The following ARHGEF3 variants were observed in gnomAD, a reference collection of about 807,000 sequenced individuals.
ARHGEF3 encodes the protein 59.8 kDA protein.
In ARHGEF3, 28 loss-of-function variants were observed where a neutral mutation model predicts 63.2. The observed-to-expected ratio is 0.44, with a 90% confidence interval of 0.33 to 0.61. The LOEUF is 0.61. ARHGEF3 is among the 20% of genes least tolerant of loss of function. The pLI is 0.03. For missense variants in ARHGEF3, 533 were observed against 659.3 expected (o/e 0.81, Z 2.10); for synonymous variants, 266 against 254.2 (o/e 1.05, Z -0.44).
chr3:56,762,465 A>G (rs2035472645), intron 2 of ARHGEF3, among the ~76,000 whole-genome samples: 1 of 152,128 alleles, frequency 6.6e-6, no homozygotes, highest in Non-Finnish European at 1.5e-5. Context: ...CTGCAGATGC[A>G]AAACAGACTG....
intron 1 of ARHGEF3, 65 bp downstream of exon 1, chr3:56,801,638 G>C (rs1386772840): frequency 3.9e-6 from 6 of 1,527,666 alleles, no homozygotes; most frequent in East Asian, 2.5e-5. Flanking sequence ...GCCGAGAATG[G>C]GAGATGGAGG....
intron 7 of ARHGEF3, among the ~76,000 whole-genome samples, chr3:56,739,404 T>A (rs1252740204): frequency 6.6e-6 from 1 of 150,576 alleles, no homozygotes; most frequent in East Asian, 1.9e-4. Context: ...TCCTTTTTTT[T>A]TTTTTTTTTC....
chr3:56,749,023 A>G (rs2034574120), intron 6 of ARHGEF3, among the ~76,000 whole-genome samples: 1 of 144,138 alleles, frequency 6.9e-6, no homozygotes, highest in Non-Finnish European at 1.5e-5. Flanking sequence ...TTGTTCTGTT[A>G]AAAATACAAG....
At position 56,751,316 on chromosome 3, in the gene ARHGEF3, T is replaced by G. The variant is rs1177041288; in HGVS notation, c.519A>C (p.Leu173=). 1 of 1,612,900 alleles carries G rather than the reference T, an allele frequency of 6.2e-7. No homozygotes were observed. Among genetic ancestry groups the G allele is most frequent in the East Asian group, 2.2e-5 (1 of 44,880 alleles). ...AAATTATACCTTCATGTAGAGGAAT[T>G]AGAGAGTCCAGTGTTCCAAAAATTT... ...LNQIFGTLDS[L]IPLHEELLSQ... is the part of the protein sequence containing the mutation. Residue 173 remains leucine, a synonymous_variant, in exon 5 of 10, where the codon CTA becomes CTC. Coordinates refer to ENST00000296315, the MANE Select transcript of ARHGEF3 (RefSeq NM_019555.3).
intron 3 of ARHGEF3, among the ~76,000 whole-genome samples, chr3:56,912,590 C>T (rs1040898285): frequency 3.9e-5 from 6 of 152,172 alleles, no homozygotes; most frequent in Admixed American, 3.9e-4. Flanking sequence ...TAGCCAATCC[C>T]TACAGTGTTG....
intron 2 of ARHGEF3, among the ~76,000 whole-genome samples, chr3:56,977,626 A>G (rs558329162): frequency 6.6e-6 from 1 of 152,238 alleles, no homozygotes; most frequent in South Asian, 2.1e-4. Context: ...GCTGACAGGG[A>G]GATGGGGCTC....
intron 1 of ARHGEF3, among the ~76,000 whole-genome samples, chr3:57,041,486 T>C (rs1047645793): frequency 6.6e-5 from 10 of 152,184 alleles, no homozygotes; most frequent in Non-Finnish European, 1.2e-4. Context: ...CCCACCCTAA[T>C]GGGGTGTTAG....
intron 4 of ARHGEF3, among the ~76,000 whole-genome samples, chr3:56,870,804 T>C (rs564034476): frequency 1.7e-4 from 22 of 129,468 alleles, no homozygotes; most frequent in Non-Finnish European, 3.3e-4. Context: ...AAGTAAAGTC[T>C]ACCCTATATA....
At chr3:56,820,984 C>A (rs2038465224) in intron 4 of ARHGEF3, among the ~76,000 whole-genome samples, 2 of 143,336 alleles carry the variant, frequency 1.4e-5, no homozygotes, top group African/African-American at 2.6e-5. Context: ...TGAAACTCCA[C>A]CTCTACAAAA....
chr3:57,066,045 A>C (rs1194959435), intron 1 of ARHGEF3, among the ~76,000 whole-genome samples: 42 of 134,290 alleles, frequency 3.1e-4, no homozygotes, highest in African/African-American at 1.2e-3. Flanking sequence ...CAAAACAAAA[A>C]AAAAAAACCC....
At chr3:56,828,292 T>C (rs2038805198) in intron 4 of ARHGEF3, among the ~76,000 whole-genome samples, 1 of 151,994 alleles carries the variant, frequency 6.6e-6, no homozygotes, top group Admixed American at 6.6e-5. Context: ...TCCCAGTACT[T>C]TGGGAGGCCA....
intron 4 of ARHGEF3, among the ~76,000 whole-genome samples, chr3:56,852,513 C>T (rs545088778): frequency 6.6e-6 from 1 of 152,144 alleles, no homozygotes. Context: ...TGCGTGTACA[C>T]GTGCACACAC....
chr3:57,002,219 A>T (rs115265435), intron 2 of ARHGEF3, among the ~76,000 whole-genome samples: 23,934 of 150,726 alleles, frequency 0.16, 2,179 homozygotes, highest in Non-Finnish European at 0.2. Flanking sequence ...CTGACATAGT[A>T]TTTTTAAAAA....
intron 4 of ARHGEF3, among the ~76,000 whole-genome samples, chr3:56,832,935 C>T (rs2038979504): frequency 6.6e-6 from 1 of 152,186 alleles, no homozygotes; most frequent in Non-Finnish European, 1.5e-5. Context: ...AAGGTTCATC[C>T]ATGTTGTAGC....
chr3:56,801,621 G>T, intron 1 of ARHGEF3, 82 bp downstream of exon 1: 1 of 1,493,492 alleles, frequency 6.7e-7, no homozygotes, highest in Non-Finnish European at 9.0e-7. Context: ...AGTGACACTG[G>T]ACGGGCGCCG....
chr3:56,885,069 G>T (rs952777127), intron 3 of ARHGEF3, among the ~76,000 whole-genome samples: 1 of 152,148 alleles, frequency 6.6e-6, no homozygotes, highest in African/African-American at 2.4e-5. Flanking sequence ...TTGGAGCACT[G>T]TACTGAGAAG....
At chr3:56,751,454 T>A (rs1313356973) in intron 4 of ARHGEF3, 58 bp from the exon 5 acceptor site, 1 of 1,440,692 alleles carries the variant, frequency 6.9e-7, no homozygotes, top group African/African-American at 1.4e-5. Flanking sequence ...AAGTACATTG[T>A]TCATGTAAGT....
intron 2 of ARHGEF3, among the ~76,000 whole-genome samples, chr3:56,974,709 A>C (rs1257094371): frequency 6.6e-6 from 1 of 152,088 alleles, no homozygotes; most frequent in African/African-American, 2.4e-5. Context: ...CACGTTTTCA[A>C]TGGCAAAGGC....
At chr3:56,965,399 T>G (rs1050440972) in intron 2 of ARHGEF3, among the ~76,000 whole-genome samples, 8 of 152,140 alleles carry the variant, frequency 5.3e-5, no homozygotes, top group Non-Finnish European at 1.0e-4. Flanking sequence ...CTGAATAGCC[T>G]TATAATTAAT....
Sources: allele counts gnomAD v4.1 joint callset (sites outside exome capture counted in the v4.1 genomes callset), GRCh38; gene constraint gnomAD v4.1.1; transcripts MANE v1.5; gene names NCBI Gene and HGNC (gene_info 2026-07-23, HGNC 2026-07-21).